The following THBS2 variants were observed in gnomAD, a reference collection of about 807,000 sequenced individuals.
THBS2 encodes the protein thrombospondin-2.
In THBS2, 47 loss-of-function variants were observed where a neutral mutation model predicts 135.2. The observed-to-expected ratio is 0.35, with a 90% CI of 0.28 to 0.44. The LOEUF is 0.44. Among genes scored for constraint, THBS2 ranks in the 20% least tolerant of loss-of-function variants. THBS2 has a pLI of 1.00. For synonymous variants in THBS2, 639 were observed against 633.8 expected, an observed-to-expected ratio of 1.01 and a Z score of -0.12; for missense variants, 1,288 against 1,603.1, an observed-to-expected ratio of 0.80 and a Z score of 3.36.
At chr6:169,225,489 GC>G in intron 16 of THBS2, 110 bp from the exon 17 acceptor site, 1 of 1,128,190 alleles carries the variant, frequency 8.9e-7, no homozygotes, top group Non-Finnish European at 1.3e-6. Context: ...TGCAGCACAA[GC>G]CCCAGGGCCA....
At chr6:169,245,580 C>T (rs527456290) in intron 4 of THBS2, among the ~76,000 whole-genome samples, 5 of 152,184 alleles carry the variant, frequency 3.3e-5, no homozygotes, top group African/African-American at 4.8e-5. Flanking sequence ...ATCACGAGGT[C>T]AGGAGATCGA....
intron 3 of THBS2, 33 bp downstream of exon 3, chr6:169,248,384 C>A: frequency 6.4e-7 from 1 of 1,568,820 alleles, no homozygotes; most frequent in African/African-American, 1.3e-5. Flanking sequence ...GCTCTTTCCT[C>A]CCTCACGGCG....
Position 169,240,569 on chromosome 6 carries a change from C to G in THBS2, c.915G>C (p.Trp305Cys). The change falls in exon 6 of 22, where the codon TGG becomes TGC. Residue 305 changes from tryptophan to cysteine, a missense_variant. Transcript: ENST00000617924. Reference protein sequence around the residue: ...KRVSNDNQFLWELIGGPPKTR... With the variant: ...KRVSNDNQFLCELIGGPPKTR... Reference sequence around the variant, plus strand: ...TCTTAGGAGGGCCACCAATGAGCTCCCAGAGAAACTGGTTATCATTCGACT... The same window carrying G: ...TCTTAGGAGGGCCACCAATGAGCTCGCAGAGAAACTGGTTATCATTCGACT... 1 of 1,613,898 alleles carries G rather than the reference C, an allele frequency of 6.2e-7. No individual in the cohort carries two copies. Among genetic ancestry groups the G allele is most frequent in the African/African-American group, 1.3e-5 (1 of 75,042 alleles).
At chr6:169,243,062 CACTCCCACCTTCCCACCTTCCCACT>C (rs1780412301) in intron 4 of THBS2, among the ~76,000 whole-genome samples, 5 of 49,488 alleles carry the variant, frequency 1.0e-4, no homozygotes, top group Admixed American at 2.6e-4. Context: ...ACCTTCCCAC[CACTCCCACCTTCCCACCTTCCCACT>C]GCTCCCACCT....
At chr6:169,233,211 C>G (rs55870219) in intron 10 of THBS2, among the ~76,000 whole-genome samples, 194 bp from the exon 11 acceptor site, 16,549 of 152,122 alleles carry the variant, frequency 0.11, 1,167 homozygotes, top group Middle Eastern at 0.15. Flanking sequence ...GGACACAGTG[C>G]AGCGGGTTGC....
intron 21 of THBS2, among the ~76,000 whole-genome samples, chr6:169,219,510 G>A (rs552633516): frequency 6.6e-6 from 1 of 152,276 alleles, no homozygotes; most frequent in Admixed American, 6.5e-5. Context: ...CTCCACAGAA[G>A]CAAGCAGATA....
chr6:169,229,795 C>A (rs921352898), intron 13 of THBS2, 116 bp from the exon 14 acceptor site: 2 of 770,122 alleles, frequency 2.6e-6, no homozygotes, highest in African/African-American at 3.4e-5. Flanking sequence ...CCCATCAGTC[C>A]TCGATCTCAA....
chr6:169,217,848 AAG>A lies in THBS2; in HGVS notation c.3512-21_3512-20del, dbSNP rs1243225620. The A allele has an allele frequency of 5.0e-6, 8 of 1,609,078 alleles. No homozygotes were observed. The highest frequency in any genetic ancestry group is 6.8e-6 in the Non-Finnish European group (8 of 1,178,202). On this transcript the variant is annotated intron_variant, in intron 21 of 21. Transcript: ENST00000617924. ...TAAATATCTACAAAAAGAAAAAAAAAAGCAATAAACAATTAGCATAACTGGGC... is the reference window on the plus strand; with the variant it reads ...TAAATATCTACAAAAAGAAAAAAAAACAATAAACAATTAGCATAACTGGGC...
At chr6:169,235,138 C>T (rs922477666) in intron 9 of THBS2, among the ~76,000 whole-genome samples, 2 of 152,122 alleles carry the variant, frequency 1.3e-5, no homozygotes, top group African/African-American at 4.8e-5. Flanking sequence ...AATGGCTTTG[C>T]TGCGATCTCT....
At chr6:169,219,238 T>G (rs1278712092) in intron 21 of THBS2, among the ~76,000 whole-genome samples, 1 of 142,432 alleles carries the variant, frequency 7.0e-6, no homozygotes, top group African/African-American at 2.7e-5. Flanking sequence ...GGTGGGTGGA[T>G]GGATTAGATG....
Position 169,232,734 on chromosome 6 carries a change from G to A in THBS2, c.1862C>T (p.Pro621Leu), listed in dbSNP as rs761215992. The change falls in exon 12 of 22, where the codon CCC (proline) becomes CTC (leucine). Residue 621 changes from proline to leucine, a missense_variant. Transcript: ENST00000617924. ...VNTQPGFHCL[P>L]CPPRYRGNQP... The stretch of plus-strand genomic sequence containing the variant: ...GTTCCCTCTGTATCGGGGCGGGCAG[G>A]GCAGGCAGTGGAAGCCAGGCTGAGT... 2 of 1,613,910 alleles carry A rather than the reference G, an allele frequency of 1.2e-6. No homozygotes were observed. Among genetic ancestry groups the A allele is most frequent in the Non-Finnish European group, 1.7e-6 (2 of 1,179,970 alleles).
At chr6:169,247,338 G>C (rs1459127188) in intron 3 of THBS2, among the ~76,000 whole-genome samples, 1 of 152,216 alleles carries the variant, frequency 6.6e-6, no homozygotes, top group Non-Finnish European at 1.5e-5. Flanking sequence ...GGCTCTGCAT[G>C]CATTGTGTGT....
In THBS2 at chr6:169,237,742, C is replaced by T. The variant is rs577676627; in HGVS notation, c.1183G>A (p.Val395Met). Residue 395 changes from valine to methionine, a missense_variant, in exon 8 of 22, where the codon GTG becomes ATG. Physicochemically the swap from Val to Met is conservative, Grantham distance 21 (BLOSUM62 1). This residue lies in a region of THBS2 where 874 missense variants were observed against 1,156.1 expected (regional missense o/e 0.76). Coordinates refer to ENST00000617924, the MANE Select transcript of THBS2 (RefSeq NM_003247.5). ...SPWAEWTQCS[V>M]TCGSGTQQRG... ...TGCTGGGTCCCAGAGCCACACGTCA[C>T]GGAGCACTGGGTCCACTCTGCCCAC... is the stretch of plus-strand genomic sequence containing the variant. 4.7e-5 allele frequency: 75 copies of T among 1,612,402 alleles called. No individual in the cohort carries two copies. The highest frequency in any genetic ancestry group is 1.5e-4 in the Admixed American group (9 of 60,024).
Position 169,219,336 on chromosome 6 carries a change from G to A in THBS2, c.3511+862C>T, listed in dbSNP as rs55724167. Reference sequence around the variant, plus strand: ...ATGGATGAGATGGGTGGGTGTGTGGGTGGGTGGATGGATGGATGGTTGGGT... The same window carrying A: ...ATGGATGAGATGGGTGGGTGTGTGGATGGGTGGATGGATGGATGGTTGGGT... On this transcript the variant is annotated intron_variant, in intron 21 of 21. Transcript: ENST00000617924. Among the ~76,000 whole-genome samples the A allele has an allele frequency of 9.7e-3, 282 of 29,068 alleles. 10 individuals are homozygous for A. The highest frequency in any genetic ancestry group is 0.012 in the Non-Finnish European group (192 of 15,778). The allele number at this position is 29,068 out of a possible 152,430, so 19.1% of individuals were successfully genotyped here.
intron 17 of THBS2, among the ~76,000 whole-genome samples, chr6:169,224,867 C>A (rs2114980723): frequency 6.6e-6 from 1 of 152,280 alleles, no homozygotes; most frequent in South Asian, 2.1e-4. Context: ...CGTCAACAAT[C>A]TGGAAGTTAT....
In THBS2 at chr6:169,216,918, G is replaced by A. The variant is rs1275247560; in HGVS notation, c.*904C>T. The A allele has an allele frequency of 2.6e-5, 4 of 152,226 alleles. No individual in the cohort carries two copies. The highest frequency in any genetic ancestry group is 4.8e-5 in the African/African-American group (2 of 41,460). 9.4% of individuals were successfully genotyped at this position (152,226 alleles called of 1,614,324 possible). A position where few individuals can be genotyped will look rare whatever the true frequency, so the allele number is the denominator to read the frequency against. On this transcript the variant is annotated 3_prime_UTR_variant, in exon 22 of 22. Transcript: ENST00000617924. ...CGCAGTTACCAAAGCCTAGATACGCGTTAGATGCGCCTTTTCCGGCCTGTG... is the reference window on the plus strand; with the variant it reads ...CGCAGTTACCAAAGCCTAGATACGCATTAGATGCGCCTTTTCCGGCCTGTG...
intron 21 of THBS2, among the ~76,000 whole-genome samples, chr6:169,219,568 C>T (rs141885703): frequency 0.011 from 1,740 of 152,288 alleles, 79 homozygotes; most frequent in Admixed American, 0.085. Flanking sequence ...TGGTCTCGAA[C>T]TCCTGACCTC....
chr6:169,240,394 T>C (rs2115014756), intron 6 of THBS2, 58 bp downstream of exon 6: 1 of 1,594,292 alleles, frequency 6.3e-7, no homozygotes, highest in African/African-American at 1.3e-5. Flanking sequence ...GGCAGTCAGG[T>C]TCTGCCAAGT....
chr6:169,241,754 G>A lies in THBS2; in HGVS notation c.891+8C>T. 6.3e-7 allele frequency: 1 copy of A among 1,597,848 alleles called. No homozygotes were observed. Among genetic ancestry groups the A allele is most frequent in the Non-Finnish European group, 8.6e-7 (1 of 1,168,228 alleles). On this transcript the variant is annotated splice_region_variant and intron_variant, in intron 5 of 21. Transcript: ENST00000617924. This position sits in a 1 kb window ranked among gnomAD's most constrained non-coding sequence, Gnocchi z 5.5. ...TATGACCCCCGCGGCCCCTGCGTGA[G>A]TACCCACCACTCTCTTGAGGTTCTC...
Sources: allele counts gnomAD v4.1 joint callset (sites outside exome capture counted in the v4.1 genomes callset), GRCh38; gene constraint gnomAD v4.1.1; regional missense constraint gnomAD v4.1.1; non-coding constraint Gnocchi (gnomAD v3.1); transcripts MANE v1.5; gene names NCBI Gene and HGNC (gene_info 2026-07-23, HGNC 2026-07-21).